PTPRG: variants seen among roughly 807,000 people sequenced by gnomAD.
PTPRG encodes the protein receptor-type tyrosine-protein phosphatase gamma.
PTPRG carries 102 observed loss-of-function variants against 165.3 expected under a neutral mutation model. The observed-to-expected ratio is 0.62, with a 90% CI of 0.53 to 0.73. The LOEUF is 0.73. Among genes scored for constraint, PTPRG ranks in the 30% least tolerant of loss-of-function variants. The pLI, the probability that PTPRG is intolerant of heterozygous loss-of-function variation, is 0.00. For missense variants in PTPRG, 1,866 were observed against 1,861.4 expected (o/e 1.00, Z -0.05); for synonymous variants, 675 against 669.5 (o/e 1.01, Z -0.13).
chr3:61,840,782 GTTTT>G (rs149041037), intron 2 of PTPRG, among the ~76,000 whole-genome samples: 2 of 120,084 alleles, frequency 1.7e-5, no homozygotes, highest in African/African-American at 3.2e-5. Flanking sequence ...TTGTTTGTTT[GTTTT>G]TTTTTTTTTT....
Position 61,846,530 on chromosome 3 carries a change from T to G in PTPRG, c.190+97548T>G, listed in dbSNP as rs2036809761. Among the ~76,000 whole-genome samples, 5 of 152,336 alleles carry G rather than the reference T, an allele frequency of 3.3e-5. No homozygotes were observed. The South Asian group carries it at 1.0e-3, about 32-fold the overall frequency. ...CTTCTCTGAACTTGGGCTTCCTCCT[T>G]GGGTAACTGGTGGCACCAGTGCCTT... is the stretch of plus-strand genomic sequence containing the variant. On this transcript the variant is annotated intron_variant, in intron 2 of 29. Coordinates refer to ENST00000474889, the MANE Select transcript of PTPRG (RefSeq NM_002841.4).
chr3:61,647,653 G>A (rs537573879), intron 1 of PTPRG, among the ~76,000 whole-genome samples: 20 of 152,154 alleles, frequency 1.3e-4, no homozygotes, highest in East Asian at 1.9e-4. Context: ...TTAGCCGGGC[G>A]TGGTGGCAGG....
chr3:62,129,191 A>C (rs1181755477), intron 5 of PTPRG, among the ~76,000 whole-genome samples: 32 of 152,300 alleles, frequency 2.1e-4, no homozygotes, highest in Non-Finnish European at 1.5e-5. Flanking sequence ...TGAGTATCAG[A>C]CATGGAGAAG....
intron 2 of PTPRG, among the ~76,000 whole-genome samples, chr3:61,927,959 G>T (rs1190603745): frequency 6.6e-6 from 1 of 152,128 alleles, no homozygotes; most frequent in Non-Finnish European, 1.5e-5. Flanking sequence ...GGTGGTTGGC[G>T]GTGGTCAGAA....
At chr3:61,796,408 TC>T (rs1360638150) in intron 2 of PTPRG, among the ~76,000 whole-genome samples, 1 of 152,212 alleles carries the variant, frequency 6.6e-6, no homozygotes, top group Non-Finnish European at 1.5e-5. Context: ...CGGCTGTGAC[TC>T]CTGGAGTGAT....
At position 62,157,101 on chromosome 3, in the gene PTPRG, G is replaced by A. The variant is rs779979544; in HGVS notation, c.717G>A (p.Arg239=). 3 of 1,610,486 alleles carry A rather than the reference G, an allele frequency of 1.9e-6. No individual in the cohort carries two copies. The highest frequency in any genetic ancestry group is 2.2e-5 in the South Asian group (2 of 90,976). The change falls in exon 7 of 30, where the codon CGG becomes CGA. Residue 239 remains arginine (R), a synonymous_variant. Coordinates refer to ENST00000474889, the MANE Select transcript of PTPRG (RefSeq NM_002841.4). ...CCTTTCTGGATCCTTTCGTCCTCCG[G>A]GACCTCCTGCCTGCATCCCTGGGCA... ...KETFLDPFVL[R]DLLPASLGSY...
intron 2 of PTPRG, among the ~76,000 whole-genome samples, chr3:61,866,196 C>T (rs2037403831): frequency 6.6e-6 from 1 of 152,208 alleles, no homozygotes; most frequent in African/African-American, 2.4e-5. Context: ...TTCAGGGATG[C>T]TGTCTCAACT....
intron 15 of PTPRG, among the ~76,000 whole-genome samples, chr3:62,250,696 G>T (rs2106970666): frequency 1.3e-5 from 2 of 152,262 alleles, no homozygotes; most frequent in East Asian, 3.9e-4. Context: ...GAATGCCATT[G>T]TTCTTTATTG....
chr3:62,154,228 C>G (rs1006332425), intron 6 of PTPRG, among the ~76,000 whole-genome samples: 2 of 152,192 alleles, frequency 1.3e-5, no homozygotes, highest in African/African-American at 4.8e-5. Context: ...AACTAAGCCA[C>G]TGAACTGTCC....
chr3:61,716,007 G>T (rs2031791118), intron 1 of PTPRG, among the ~76,000 whole-genome samples: 1 of 152,116 alleles, frequency 6.6e-6, no homozygotes, highest in African/African-American at 2.4e-5. Flanking sequence ...TGACATACTG[G>T]ATGGAGAGGG....
At chr3:61,619,725 A>G (rs1232224523) in intron 1 of PTPRG, among the ~76,000 whole-genome samples, 2 of 152,194 alleles carry the variant, frequency 1.3e-5, no homozygotes, top group East Asian at 3.8e-4. Context: ...AGAAGTCAAC[A>G]AGGAAGGTGA....
chr3:61,790,300 C>CG (rs2034833091), intron 2 of PTPRG, among the ~76,000 whole-genome samples: 1 of 152,180 alleles, frequency 6.6e-6, no homozygotes, highest in Non-Finnish European at 1.5e-5. Flanking sequence ...TTCTCTTCTC[C>CG]GTCTGTCCCT....
intron 2 of PTPRG, among the ~76,000 whole-genome samples, chr3:61,852,333 T>G (rs538962680): frequency 6.6e-6 from 1 of 152,360 alleles, no homozygotes; most frequent in East Asian, 1.9e-4. Flanking sequence ...TTGACCTTTC[T>G]GGAGAATATG....
intron 1 of PTPRG, among the ~76,000 whole-genome samples, chr3:61,587,880 G>A (rs1024023902): frequency 1.3e-5 from 2 of 151,170 alleles, no homozygotes; most frequent in African/African-American, 4.9e-5. Context: ...GCTGGTCTCA[G>A]ACTCCTGGGC....
rs1431704117 is a variant in PTPRG at position 62,229,467 on chromosome 3, A to C, written c.2289-1758A>C. Among the ~76,000 whole-genome samples, 3 of 152,232 alleles carry C rather than the reference A, an allele frequency of 2.0e-5. No individual in the cohort carries two copies. Among genetic ancestry groups the C allele is most frequent in the African/African-American group, 7.2e-5 (3 of 41,462 alleles). On this transcript the variant is annotated intron_variant, in intron 13 of 29. Coordinates refer to ENST00000474889, the MANE Select transcript of PTPRG (RefSeq NM_002841.4). This position sits in a 1 kb window ranked among gnomAD's most constrained non-coding sequence, Gnocchi z 4.6. ...TGGAACAAGCTAACACATAGTCATT[A>C]GACAAAAGCGGAAAGAGATTCACTG...
intron 5 of PTPRG, among the ~76,000 whole-genome samples, chr3:62,089,891 C>T (rs1378146160): frequency 6.6e-6 from 1 of 152,162 alleles, no homozygotes; most frequent in African/African-American, 2.4e-5. Flanking sequence ...ATTACTTATG[C>T]ATTTTTAAGA....
chr3:61,970,183 C>T (rs978169409), intron 2 of PTPRG, among the ~76,000 whole-genome samples: 1 of 152,028 alleles, frequency 6.6e-6, no homozygotes, highest in African/African-American at 2.4e-5. Context: ...TGTGATTTAC[C>T]CAGAGTAGGG....
At chr3:62,236,355 A>G (rs936620416) in intron 14 of PTPRG, among the ~76,000 whole-genome samples, 1 of 152,194 alleles carries the variant, frequency 6.6e-6, no homozygotes, top group African/African-American at 2.4e-5. Context: ...ACAGCTCTCA[A>G]TCATCTTCCT....
chr3:61,620,687 A>G (rs9311824), intron 1 of PTPRG, among the ~76,000 whole-genome samples: 47,021 of 151,520 alleles, frequency 0.31, 7,528 homozygotes, highest in African/African-American at 0.39. Flanking sequence ...GGAGTGCAAT[A>G]GTGCGATTTT....
Sources: gnomAD v4.1 joint callset for allele counts (sites outside exome capture counted in the v4.1 genomes callset) on GRCh38, gnomAD v4.1.1 for gene constraint, Gnocchi (gnomAD v3.1) non-coding constraint, MANE v1.5 for transcripts, NCBI Gene and HGNC (gene_info 2026-07-23, HGNC 2026-07-21) for gene names.